The following DLG2 variants were observed in gnomAD, a reference collection of about 807,000 sequenced individuals.
DLG2 encodes the protein discs large MAGUK scaffold protein 2, also known as disks large homolog 2.
DLG2 carries 45 observed loss-of-function variants against 132.5 expected under a neutral mutation model. The observed-to-expected ratio is 0.34, with a 90% CI of 0.27 to 0.44. DLG2 has a LOEUF of 0.44. DLG2 is among the 20% of genes least tolerant of loss of function. DLG2 has a pLI of 1.00. For missense variants in DLG2, 1,045 were observed against 1,196.9 expected (o/e 0.87, Z 1.87); for synonymous variants, 424 against 419.6 (o/e 1.01, Z -0.13).
intron 6 of DLG2, among the ~76,000 whole-genome samples, chr11:84,909,441 T>C (rs918486656): frequency 3.3e-5 from 5 of 152,232 alleles, no homozygotes; most frequent in Non-Finnish European, 7.3e-5. Context: ...AATTTGCGTT[T>C]CTAAGTTTCA....
chr11:85,490,828 T>C (rs1296121506), intron 3 of DLG2, among the ~76,000 whole-genome samples: 1 of 151,926 alleles, frequency 6.6e-6, no homozygotes, highest in Non-Finnish European at 1.5e-5. Flanking sequence ...CCAACAAAGA[T>C]GAATTGTACC....
intron 6 of DLG2, among the ~76,000 whole-genome samples, chr11:84,749,274 C>T (rs2065793219): frequency 6.6e-6 from 1 of 152,098 alleles, no homozygotes; most frequent in African/African-American, 2.4e-5. Flanking sequence ...AGTGAAAACA[C>T]ATTTTGCAAC....
At chr11:84,274,599 C>T (rs185483746) in intron 7 of DLG2, among the ~76,000 whole-genome samples, 60 of 152,272 alleles carry the variant, frequency 3.9e-4, no homozygotes, top group Non-Finnish European at 7.6e-4. Flanking sequence ...TACTAATGCC[C>T]TTGTAGTGTT....
intron 8 of DLG2, among the ~76,000 whole-genome samples, chr11:84,197,036 C>CAAA (rs60877284): frequency 3.4e-3 from 298 of 87,538 alleles, no homozygotes; most frequent in Middle Eastern, 8.5e-3. Context: ...GACTCTTTCT[C>CAAA]AAAAAAAAAA....
intron 24 of DLG2, among the ~76,000 whole-genome samples, chr11:83,471,019 A>C (rs1222474005): frequency 6.6e-6 from 1 of 152,022 alleles, no homozygotes; most frequent in Non-Finnish European, 1.5e-5. Flanking sequence ...GAGGCAGAGC[A>C]GTTAGAATCT....
At chr11:85,343,466 C>A (rs930555285) in intron 3 of DLG2, among the ~76,000 whole-genome samples, 2 of 152,110 alleles carry the variant, frequency 1.3e-5, no homozygotes, top group African/African-American at 4.8e-5. Flanking sequence ...CCATGCCTGA[C>A]TCATGGTCAA....
At chr11:85,426,212 C>T (rs1280942206) in intron 3 of DLG2, among the ~76,000 whole-genome samples, 1 of 152,096 alleles carries the variant, frequency 6.6e-6, no homozygotes, top group South Asian at 2.1e-4. Flanking sequence ...CCTCTGGGGG[C>T]AGGGCACAGC....
chr11:84,257,076 G>C (rs756776299), intron 7 of DLG2, among the ~76,000 whole-genome samples: 1 of 152,090 alleles, frequency 6.6e-6, no homozygotes, highest in African/African-American at 2.4e-5. Context: ...TTAAGTACCG[G>C]ATTAGATATG....
chr11:83,686,637 T>A (rs2079838954), intron 18 of DLG2, among the ~76,000 whole-genome samples: 1 of 152,212 alleles, frequency 6.6e-6, no homozygotes, highest in Non-Finnish European at 1.5e-5. Context: ...TCACTACTTC[T>A]TAGTCCTATA....
intron 17 of DLG2, among the ~76,000 whole-genome samples, chr11:83,796,183 G>A (rs2042779065): frequency 1.3e-5 from 2 of 152,174 alleles, no homozygotes; most frequent in Admixed American, 6.5e-5. Context: ...TTTTCTCACT[G>A]CATTATCCTA....
intron 3 of DLG2, among the ~76,000 whole-genome samples, chr11:85,463,787 A>T (rs11234348): frequency 2.0e-5 from 3 of 152,164 alleles, no homozygotes; most frequent in African/African-American, 7.2e-5. Context: ...TAAAAATTTT[A>T]AAAAACCTCG....
chr11:83,925,934 C>G (rs1475335326), intron 15 of DLG2, among the ~76,000 whole-genome samples: 1 of 152,018 alleles, frequency 6.6e-6, no homozygotes, highest in Non-Finnish European at 1.5e-5. Flanking sequence ...ACTAGATAAG[C>G]AGGAGTCCCA....
chr11:85,150,753 A>C (rs73525446), intron 5 of DLG2, among the ~76,000 whole-genome samples: 16,043 of 111,132 alleles, frequency 0.14, 1,163 homozygotes, highest in East Asian at 0.39. Flanking sequence ...TGTGTGTGTA[A>C]CATTTTCTTT....
At chr11:84,442,770 T>G (rs576480879) in intron 7 of DLG2, among the ~76,000 whole-genome samples, 1 of 152,120 alleles carries the variant, frequency 6.6e-6, no homozygotes, top group South Asian at 2.1e-4. Context: ...TACAAATGTA[T>G]GATGCTCAGG....
At chr11:83,497,767 C>A (rs1219875264) in intron 21 of DLG2, among the ~76,000 whole-genome samples, 3 of 152,028 alleles carry the variant, frequency 2.0e-5, no homozygotes, top group African/African-American at 7.2e-5. Context: ...TCAGCTCTAT[C>A]TATTGTCCAC....
At chr11:84,531,132 A>T (rs2099338308) in intron 7 of DLG2, among the ~76,000 whole-genome samples, 2 of 152,296 alleles carry the variant, frequency 1.3e-5, no homozygotes, top group South Asian at 4.1e-4. Flanking sequence ...GAAAAGAAAA[A>T]AAAGAAAGTA....
intron 3 of DLG2, among the ~76,000 whole-genome samples, chr11:85,296,183 G>C (rs896184929): frequency 6.6e-6 from 1 of 152,082 alleles, no homozygotes; most frequent in Admixed American, 6.6e-5. Context: ...ATAGACTTTG[G>C]AGGAATCTTT....
intron 4 of DLG2, among the ~76,000 whole-genome samples, chr11:85,167,342 TACAAAAGA>T (rs2078526183): frequency 6.6e-6 from 1 of 152,136 alleles, no homozygotes; most frequent in Non-Finnish European, 1.5e-5. Flanking sequence ...ATTCTCTTCA[TACAAAAGA>T]AATGTTACAA....
chr11:83,811,293 A>AT (rs577232508), intron 17 of DLG2, among the ~76,000 whole-genome samples: 12 of 151,996 alleles, frequency 7.9e-5, no homozygotes, highest in Non-Finnish European at 1.3e-4. Context: ...CAATAAATTC[A>AT]TTTTTTCTGG....
Sources: allele counts gnomAD v4.1 joint callset (sites outside exome capture counted in the v4.1 genomes callset), GRCh38; gene constraint gnomAD v4.1.1; transcripts MANE v1.5; gene names NCBI Gene and HGNC (gene_info 2026-07-23, HGNC 2026-07-21).